Variants in FSHR observed in about 807,000 individuals in gnomAD.
FSHR encodes the protein follicle stimulating hormone receptor.
A neutral mutation model predicts 52.1 loss-of-function variants in FSHR; 46 were observed. The ratio of observed to expected loss-of-function variants is 0.88; its 90% CI spans 0.70 to 1.13. The LOEUF (loss-of-function observed/expected upper bound fraction) is 1.13. Ranked by LOEUF, FSHR falls within the 50% of genes most tolerant of loss-of-function variation. FSHR has a pLI of 0.00. For synonymous variants in FSHR, 399 were observed against 309.6 expected, an observed-to-expected ratio of 1.29 and a Z score of -3.03; for missense variants, 964 against 834.6, an observed-to-expected ratio of 1.16 and a Z score of -1.91.
rs531968805 is a variant in FSHR at position 48,987,307 on chromosome 2, G to A, written c.524+1670C>T. Among the ~76,000 whole-genome samples, 38 of 152,088 alleles carry A rather than the reference G, an allele frequency of 2.5e-4. No individual in the cohort carries two copies. In the South Asian group the frequency reaches 7.7e-3, roughly 31 times the overall value. On this transcript the variant is annotated intron_variant, in intron 6 of 9. Coordinates refer to ENST00000406846, the MANE Select transcript of FSHR (RefSeq NM_000145.4). ...CAAACTCTGCCTCCCGGGTTCAAGCGATTCCCCTGCCTCACCCTCCTGAGT... is the reference window on the plus strand; with the variant it reads ...CAAACTCTGCCTCCCGGGTTCAAGCAATTCCCCTGCCTCACCCTCCTGAGT...
At chr2:48,969,670 A>G (rs1030212891) in intron 8 of FSHR, among the ~76,000 whole-genome samples, 3 of 152,194 alleles carry the variant, frequency 2.0e-5, no homozygotes, top group African/African-American at 7.2e-5. Flanking sequence ...AGTAAACATA[A>G]CACTGAGTGT....
intron 4 of FSHR, among the ~76,000 whole-genome samples, chr2:49,015,613 G>A (rs918939110): frequency 2.0e-5 from 3 of 152,102 alleles, no homozygotes; most frequent in African/African-American, 7.2e-5. Context: ...TGCTTTTTCT[G>A]TTGTCACGTA....
At chr2:49,115,813 A>G (rs1458668783) in intron 1 of FSHR, among the ~76,000 whole-genome samples, 1 of 152,186 alleles carries the variant, frequency 6.6e-6, no homozygotes, top group Non-Finnish European at 1.5e-5. Context: ...AATGATGAAT[A>G]TGATATAAAT....
chr2:48,975,346 A>G (rs989359), intron 8 of FSHR, among the ~76,000 whole-genome samples: 124,453 of 151,442 alleles, frequency 0.82, 51,525 homozygotes, highest in African/African-American at 0.92. Context: ...GAGTTATACC[A>G]TCAATTTCCC....
intron 1 of FSHR, among the ~76,000 whole-genome samples, chr2:49,148,612 A>G (rs1672954271): frequency 6.6e-6 from 1 of 152,062 alleles, no homozygotes; most frequent in Non-Finnish European, 1.5e-5. Context: ...AGGCAAGATT[A>G]AGTGTGAAAT....
At chr2:49,038,266 G>C (rs1307774553) in intron 2 of FSHR, among the ~76,000 whole-genome samples, 5 of 152,066 alleles carry the variant, frequency 3.3e-5, no homozygotes, top group Non-Finnish European at 5.9e-5. Flanking sequence ...AACAAATAGA[G>C]TTTAAGAAGT....
chr2:49,036,357 A>C (rs1250152778), intron 2 of FSHR, among the ~76,000 whole-genome samples: 1 of 151,806 alleles, frequency 6.6e-6, no homozygotes, highest in African/African-American at 2.4e-5. Flanking sequence ...TTTTATGTTC[A>C]TTTATTTTAT....
At chr2:48,974,814 C>T (rs947328504) in intron 8 of FSHR, among the ~76,000 whole-genome samples, 1 of 152,134 alleles carries the variant, frequency 6.6e-6, no homozygotes, top group Admixed American at 6.5e-5. Flanking sequence ...AGAGACTTAA[C>T]TATAGTATAT....
chr2:48,982,779 T>C, intron 8 of FSHR, 133 bp downstream of exon 8: 1 of 771,806 alleles, frequency 1.3e-6, no homozygotes, highest in Non-Finnish European at 2.3e-6. Context: ...TATAAATTTT[T>C]GCAGATGACA....
At chr2:49,106,566 A>G (rs1275853370) in intron 1 of FSHR, among the ~76,000 whole-genome samples, 1 of 152,166 alleles carries the variant, frequency 6.6e-6, no homozygotes, top group Non-Finnish European at 1.5e-5. Context: ...ATTTTACCCT[A>G]TTCTGTTCTT....
intron 4 of FSHR, among the ~76,000 whole-genome samples, chr2:48,996,705 C>A (rs1676038426): frequency 6.6e-6 from 1 of 152,068 alleles, no homozygotes; most frequent in African/African-American, 2.4e-5. Flanking sequence ...TGGCAGAATG[C>A]AGAGTCATTC....
At chr2:49,085,776 A>G (rs1230422357) in intron 1 of FSHR, among the ~76,000 whole-genome samples, 2 of 152,334 alleles carry the variant, frequency 1.3e-5, no homozygotes, top group East Asian at 1.9e-4. Flanking sequence ...ATGGAATACT[A>G]TGCAGCCATA....
chr2:49,049,545 G>A (rs1572679249), intron 2 of FSHR, among the ~76,000 whole-genome samples: 1 of 152,070 alleles, frequency 6.6e-6, no homozygotes, highest in African/African-American at 2.4e-5. Flanking sequence ...AGATGTAAAT[G>A]AGGGCATATC....
chr2:49,013,115 C>T (rs1667334631), intron 4 of FSHR, among the ~76,000 whole-genome samples: 1 of 151,664 alleles, frequency 6.6e-6, no homozygotes, highest in South Asian at 2.1e-4. Context: ...CTCTCTTTCT[C>T]TATCTTCCCC....
At chr2:49,023,335 C>A (rs1286560529) in intron 2 of FSHR, among the ~76,000 whole-genome samples, 1 of 151,886 alleles carries the variant, frequency 6.6e-6, no homozygotes, top group Non-Finnish European at 1.5e-5. Flanking sequence ...TAGTTAGTGC[C>A]CAATAAATGA....
intron 1 of FSHR, among the ~76,000 whole-genome samples, chr2:49,073,544 T>A (rs527729376): frequency 6.6e-6 from 1 of 151,682 alleles, no homozygotes; most frequent in East Asian, 1.9e-4. Flanking sequence ...TAAAAGAAAT[T>A]AAAGAAGATA....
intron 1 of FSHR, among the ~76,000 whole-genome samples, chr2:49,086,110 T>C (rs1395407863): frequency 6.6e-6 from 1 of 152,146 alleles, no homozygotes; most frequent in Admixed American, 6.5e-5. Flanking sequence ...ACTTAAAGTA[T>C]AATAATAAAA....
At chr2:48,976,504 G>C (rs1181474702) in intron 8 of FSHR, among the ~76,000 whole-genome samples, 1 of 152,212 alleles carries the variant, frequency 6.6e-6, no homozygotes, top group Non-Finnish European at 1.5e-5. Context: ...CACAAAATGA[G>C]TTAGAGAGGA....
At chr2:48,992,361 A>G (rs1376223426) in intron 4 of FSHR, among the ~76,000 whole-genome samples, 1 of 152,068 alleles carries the variant, frequency 6.6e-6, no homozygotes, top group African/African-American at 2.4e-5. Context: ...TATCCCTAGC[A>G]ACCACTGATC....
Sources: gnomAD v4.1 joint callset for allele counts (sites outside exome capture counted in the v4.1 genomes callset) on GRCh38, gnomAD v4.1.1 for gene constraint, MANE v1.5 for transcripts, NCBI Gene and HGNC (gene_info 2026-07-23, HGNC 2026-07-21) for gene names.